The following RPA1 variants were observed in gnomAD, a reference collection of about 807,000 sequenced individuals.
The protein encoded by RPA1 is replication protein A 70 kDa DNA-binding subunit.
Under a neutral mutation model 83.0 loss-of-function variants are expected in RPA1, and 49 were observed. The ratio of observed to expected loss-of-function variants is 0.59; its 90% CI spans 0.47 to 0.75. The LOEUF is 0.75. Ranked by LOEUF, RPA1 falls within the 30% of genes least tolerant of loss-of-function variation. RPA1 has a pLI of 0.00. For missense variants in RPA1, 693 were observed against 776.1 expected, an observed-to-expected ratio of 0.89 and a Z score of 1.27; for synonymous variants, 279 against 281.8, an observed-to-expected ratio of 0.99 and a Z score of 0.10.
In RPA1 at chr17:1,879,109, C is replaced by T. The variant is rs17338864; in HGVS notation, c.759+48C>T. 8.7e-3 allele frequency: 14,010 copies of T among 1,611,350 alleles called. 185 individuals are homozygous for T. The highest frequency in any genetic ancestry group is 0.033 in the South Asian group (2,962 of 90,986). ...ACTGACACCGCCTGGGGGTGGAGTG[C>T]GGATGAAAAGACGCTGGCCCAGGGG... On this transcript the variant is annotated intron_variant, in intron 9 of 16. Transcript: ENST00000254719.
intron 1 of RPA1, among the ~76,000 whole-genome samples, chr17:1,831,841 C>T (rs993015114): frequency 2.7e-5 from 4 of 150,070 alleles, no homozygotes; most frequent in Non-Finnish European, 3.0e-5. Flanking sequence ...CCTTGTGATT[C>T]GCCCGCCTCG....
In RPA1 at chr17:1,855,540, T is replaced by C. The variant is rs139702362; in HGVS notation, c.361+2351T>C. On this transcript the variant is annotated intron_variant, in intron 5 of 16. Coordinates refer to ENST00000254719, the MANE Select transcript of RPA1 (RefSeq NM_002945.5). ...TCTCTGGGATAAGTCTATGTCATGA[T>C]GTATTATTCTTTTTACATATTGTTG... Among the ~76,000 whole-genome samples, 73 of 152,342 alleles carry C rather than the reference T, an allele frequency of 4.8e-4. No homozygotes were observed. The East Asian group carries it at 8.1e-3, about 17-fold the overall frequency.
chr17:1,872,634 AG>A (rs1913416651), intron 6 of RPA1, 108 bp downstream of exon 6: 3 of 1,449,774 alleles, frequency 2.1e-6, no homozygotes, highest in African/African-American at 1.4e-5. Flanking sequence ...CATTCATTAC[AG>A]GGTTGTGTCT....
At chr17:1,896,999 C>G in intron 16 of RPA1, 72 bp from the exon 17 acceptor site, 1 of 1,332,770 alleles carries the variant, frequency 7.5e-7, no homozygotes. Flanking sequence ...ACTGAAACCA[C>G]TGAAGCAAAA....
At chr17:1,854,564 T>G (rs1012726664) in intron 5 of RPA1, among the ~76,000 whole-genome samples, 7 of 151,820 alleles carry the variant, frequency 4.6e-5, no homozygotes, top group Non-Finnish European at 7.4e-5. Context: ...CTTAGCCAGG[T>G]GTGGTGGCTC....
chr17:1,844,045 AGAAGCACACC>A (rs755790343), intron 3 of RPA1, 47 bp downstream of exon 3: 38 of 1,540,346 alleles, frequency 2.5e-5, no homozygotes, highest in Non-Finnish European at 3.3e-5. Context: ...TTTAAATAGT[AGAAGCACACC>A]TGGTCCTTTG....
intron 1 of RPA1, among the ~76,000 whole-genome samples, chr17:1,833,781 G>T (rs1488583650): frequency 6.6e-6 from 1 of 151,934 alleles, no homozygotes; most frequent in East Asian, 1.9e-4. Flanking sequence ...TTGAACCCGG[G>T]AGATAGAGGT....
chr17:1,852,364 A>G (rs956223545), intron 4 of RPA1, among the ~76,000 whole-genome samples: 13 of 152,220 alleles, frequency 8.5e-5, no homozygotes, highest in African/African-American at 3.1e-4. Flanking sequence ...TCAACTAGAG[A>G]TTAAGGAAGT....
rs1181652461 is a variant in RPA1, at chr17:1,853,171, C to T, written c.343C>T (p.Pro115Ser). The T allele has an allele frequency of 6.2e-7, 1 of 1,613,906 alleles. No homozygotes were observed. Among genetic ancestry groups the T allele is most frequent in the Admixed American group, 1.7e-5 (1 of 60,014 alleles). The stretch of plus-strand genomic sequence containing the variant: ...AGCAGTTGGAGTGAAGATTGGCAAT[C>T]CAGTGCCCTATAATGAAGGTAAAAT... ...AEAVGVKIGN[P>S]VPYNEGLGQP... Residue 115 changes from proline to serine, a missense_variant, in exon 5 of 17, where the codon CCA becomes TCA. Physicochemically the swap from Pro to Ser is moderately conservative, Grantham distance 74 (BLOSUM62 -1). Transcript: ENST00000254719.
In RPA1 at chr17:1,840,884, T is replaced by C. The variant is rs560445204; in HGVS notation, c.34-1919T>C. 5.3e-5 allele frequency among the ~76,000 whole-genome samples: 8 copies of C among 152,112 alleles called. No homozygotes were observed. In the South Asian group the frequency reaches 1.7e-3, roughly 32 times the overall value. On this transcript the variant is annotated intron_variant, in intron 1 of 16. Coordinates refer to ENST00000254719, the MANE Select transcript of RPA1 (RefSeq NM_002945.5). ...GAGTTTGAGACCAGCCTGGCCAACG[T>C]AGTGAAACCCTGTCTCTACTAAAAA...
chr17:1,858,354 C>T, intron 5 of RPA1: 1 of 1,607,412 alleles, frequency 6.2e-7, no homozygotes, highest in Non-Finnish European at 8.5e-7. Context: ...TGGACATCGC[C>T]ATGGGAAGAG....
intron 6 of RPA1, among the ~76,000 whole-genome samples, chr17:1,874,142 T>G (rs886832307): frequency 6.6e-6 from 1 of 151,554 alleles, no homozygotes; most frequent in African/African-American, 2.4e-5. Flanking sequence ...AATAGTACGT[T>G]ATTCCTCTCC....
chr17:1,837,580 A>G (rs891224748), intron 1 of RPA1, among the ~76,000 whole-genome samples: 2 of 152,210 alleles, frequency 1.3e-5, no homozygotes, highest in South Asian at 2.1e-4. Context: ...TAGTTGCTCC[A>G]TATCCTTGCC....
At chr17:1,862,321 C>A (rs1913011639) in intron 5 of RPA1, among the ~76,000 whole-genome samples, 1 of 151,558 alleles carries the variant, frequency 6.6e-6, no homozygotes, top group Non-Finnish European at 1.5e-5. Flanking sequence ...AGGTGTGAGC[C>A]ACAGCGCCCA....
intron 12 of RPA1, among the ~76,000 whole-genome samples, chr17:1,881,025 C>A (rs1480700979): frequency 6.6e-6 from 1 of 152,180 alleles, no homozygotes; most frequent in Non-Finnish European, 1.5e-5. Flanking sequence ...AGGCTCTGGG[C>A]CTCTGTGGCG....
At chr17:1,892,478 C>T (rs1159475172) in intron 15 of RPA1, among the ~76,000 whole-genome samples, 2 of 152,200 alleles carry the variant, frequency 1.3e-5, no homozygotes, top group East Asian at 3.8e-4. Flanking sequence ...TACTTTAAAA[C>T]CAAAGCACTT....
intron 13 of RPA1, 21 bp downstream of exon 13, chr17:1,883,965 C>T: frequency 1.2e-6 from 2 of 1,613,114 alleles, no homozygotes; most frequent in Admixed American, 3.3e-5. Flanking sequence ...TTCCTAACCA[C>T]CTTCACAAAG....
chr17:1,897,182 C>T lies in RPA1; in HGVS notation c.*7C>T. ...GAGAAGTGCATTGATGTGAGAGGAG[C>T]AGTGCCAATCGGGCAGAAGTTTGCA... On this transcript the variant is annotated 3_prime_UTR_variant, in exon 17 of 17. Coordinates refer to ENST00000254719, the MANE Select transcript of RPA1 (RefSeq NM_002945.5). 1 of 1,544,114 alleles carries T rather than the reference C, an allele frequency of 6.5e-7. No homozygotes were observed. The highest frequency in any genetic ancestry group is 8.8e-7 in the Non-Finnish European group (1 of 1,141,952).
chr17:1,845,779 A>G (rs1912231654), intron 4 of RPA1, among the ~76,000 whole-genome samples: 1 of 152,122 alleles, frequency 6.6e-6, no homozygotes, highest in African/African-American at 2.4e-5. Flanking sequence ...AAAAAAAGGA[A>G]AAGTTAGCTG....
Sources: gnomAD v4.1 joint callset for allele counts (sites outside exome capture counted in the v4.1 genomes callset) on GRCh38, gnomAD v4.1.1 for gene constraint, MANE v1.5 for transcripts, NCBI Gene and HGNC (gene_info 2026-07-23, HGNC 2026-07-21) for gene names.